NECAP2: variants seen among roughly 807,000 people sequenced by gnomAD.
The protein encoded by NECAP2 is adaptin ear-binding coat-associated protein 2.
In NECAP2, 38 loss-of-function variants were observed where a neutral mutation model predicts 37.8. That is an observed-to-expected ratio of 1.01 (90% confidence interval 0.78 to 1.32). The LOEUF (loss-of-function observed/expected upper bound fraction) is 1.32. Among genes scored for constraint, NECAP2 ranks in the 40% most tolerant of loss-of-function variants. NECAP2 has a pLI of 0.00. For missense variants in NECAP2, 316 were observed against 334.5 expected (o/e 0.94, Z 0.43); for synonymous variants, 121 against 127.7 (o/e 0.95, Z 0.35).
chr1:16,451,956 C>G lies in NECAP2; in HGVS notation c.608C>G (p.Pro203Arg), dbSNP rs764781981. The change falls in exon 6 of 8, where the codon CCT becomes CGT. Residue 203 changes from proline (P) to arginine (R), a missense_variant. Transcript: ENST00000337132. The stretch of plus-strand genomic sequence containing the variant: ...AAAACCTCCACCCTGATCCCTCCCC[C>G]TGGGGAGCAGTTGGCTGTGGGGGGA... ...GGKTSTLIPPPGEQLAVGGSL... is the reference protein window; with the variant it reads ...GGKTSTLIPPRGEQLAVGGSL... The G allele has an allele frequency of 1.2e-6, 2 of 1,612,536 alleles. No homozygotes were observed. The highest frequency in any genetic ancestry group is 1.7e-6 in the Non-Finnish European group (2 of 1,179,134).
In NECAP2 at chr1:16,447,884, C is replaced by T. The variant is rs1444433107; in HGVS notation, c.208C>T (p.Gln70Ter). Residue 70 changes from glutamine to a stop codon, truncating the protein, a stop_gained, in exon 3 of 8, where the codon CAG (glutamine) becomes TAG (stop). Transcript: ENST00000337132. LOFTEE classifies it high-confidence loss of function. ...TGTGCTTTCAGGGGAGCTCTTTGCT[C>T]AGGCCCCGGTGGATCAGTTTCCTGG... is the stretch of plus-strand genomic sequence containing the variant. Reference protein sequence around the residue: ...EDRTSGELFAQAPVDQFPGTA... With the variant: ...EDRTSGELFA 2 of 1,614,090 alleles carry T rather than the reference C, an allele frequency of 1.2e-6. No individual in the cohort carries two copies. Among genetic ancestry groups the T allele is most frequent in the Non-Finnish European group, 1.7e-6 (2 of 1,179,988 alleles).
chr1:16,458,110 A>G (rs922527614), intron 7 of NECAP2, among the ~76,000 whole-genome samples: 1 of 152,184 alleles, frequency 6.6e-6, no homozygotes, highest in African/African-American at 2.4e-5. Context: ...TTTTTAGCCT[A>G]AGATTCATTT....
chr1:16,454,361 CTTAT>C (rs934055056), intron 6 of NECAP2, among the ~76,000 whole-genome samples: 6 of 141,952 alleles, frequency 4.2e-5, no homozygotes, highest in African/African-American at 1.3e-4. Flanking sequence ...ACCTCGCCTA[CTTAT>C]TTATTTTTAA....
At chr1:16,446,162 C>G (rs918593317) in intron 2 of NECAP2, among the ~76,000 whole-genome samples, 1 of 152,142 alleles carries the variant, frequency 6.6e-6, no homozygotes, top group Non-Finnish European at 1.5e-5. Context: ...GAGCCGAGAT[C>G]GTGCCGTTGC....
chr1:16,440,858 C>T lies in NECAP2; in HGVS notation c.92+5C>T. 1 of 1,611,486 alleles carries T rather than the reference C, an allele frequency of 6.2e-7. No homozygotes were observed. Among genetic ancestry groups the T allele is most frequent in the Non-Finnish European group, 8.5e-7 (1 of 1,177,552 alleles). ...GGCTACCAACCGTGGCTACAGGTGA[C>T]TACCCACCGCCAGACCAGGCTAGCT... On this transcript the variant is annotated splice_donor_5th_base_variant and intron_variant, in intron 1 of 7. Coordinates refer to ENST00000337132, the MANE Select transcript of NECAP2 (RefSeq NM_018090.5).
At chr1:16,446,492 G>C (rs555469845) in intron 2 of NECAP2, among the ~76,000 whole-genome samples, 29 of 152,262 alleles carry the variant, frequency 1.9e-4, no homozygotes, top group African/African-American at 5.8e-4. Flanking sequence ...CCAGGAGTTC[G>C]AGGCTGCAGT....
intron 6 of NECAP2, 58 bp from the exon 7 acceptor site, chr1:16,455,760 C>T: frequency 7.2e-7 from 1 of 1,394,316 alleles, no homozygotes; most frequent in Non-Finnish European, 1.0e-6. Flanking sequence ...CCAGAAAGGT[C>T]TCTGACTTCT....
Position 16,458,926 on chromosome 1 carries a change from AGGCG to A in NECAP2, c.*37_*40del. ...GTTTTTCCTCATGTGACTTCTGGGA[AGGCG>A]CTCCCTCATCTGGGCCAAAGGAAGG... On this transcript the variant is annotated 3_prime_UTR_variant, in exon 8 of 8. Coordinates refer to ENST00000337132, the MANE Select transcript of NECAP2 (RefSeq NM_018090.5). 6.2e-7 allele frequency: 1 copy of A among 1,614,066 alleles called. No homozygotes were observed. Among genetic ancestry groups the A allele is most frequent in the Non-Finnish European group, 8.5e-7 (1 of 1,180,010 alleles).
At chr1:16,453,198 C>G (rs1359084334) in intron 6 of NECAP2, among the ~76,000 whole-genome samples, 11 of 150,606 alleles carry the variant, frequency 7.3e-5, no homozygotes, top group Non-Finnish European at 1.6e-4. Flanking sequence ...CAACCTCTGC[C>G]TCCTGGGTTC....
At chr1:16,444,028 C>T (rs1329394663) in intron 2 of NECAP2, among the ~76,000 whole-genome samples, 1 of 152,158 alleles carries the variant, frequency 6.6e-6, no homozygotes, top group African/African-American at 2.4e-5. Context: ...GTAGGAAGCC[C>T]TGGAAGTGGC....
At chr1:16,446,535 C>T (rs1411360109) in intron 2 of NECAP2, among the ~76,000 whole-genome samples, 2 of 151,586 alleles carry the variant, frequency 1.3e-5, no homozygotes, top group African/African-American at 4.8e-5. Context: ...GCACTTCAAT[C>T]TGGGCAACAG....
At chr1:16,443,596 C>T in intron 1 of NECAP2, 36 bp from the exon 2 acceptor site, 1 of 1,506,374 alleles carries the variant, frequency 6.6e-7, no homozygotes, top group Non-Finnish European at 9.2e-7. Flanking sequence ...ACAGCAGGAG[C>T]CTCTGGCAGA....
rs149943234 is a variant in NECAP2 at position 16,443,854 on chromosome 1, G to A, written c.193+122G>A. ...GAACCTGTCCTGAAAAATCAGAGACGTGTGTGTACCTTTAAGCTGTACCAT... is the reference window on the plus strand; with the variant it reads ...GAACCTGTCCTGAAAAATCAGAGACATGTGTGTACCTTTAAGCTGTACCAT... On this transcript the variant is annotated intron_variant, in intron 2 of 7. Coordinates refer to ENST00000337132, the MANE Select transcript of NECAP2 (RefSeq NM_018090.5). 2.0e-4 allele frequency: 147 copies of A among 724,442 alleles called. No individual in the cohort carries two copies. The highest frequency in any genetic ancestry group is 3.2e-4 in the Non-Finnish European group (130 of 403,892). The allele number at this position is 724,442 out of a possible 1,614,324, so 44.9% of individuals were successfully genotyped here.
chr1:16,453,470 T>A (rs2086875527), intron 6 of NECAP2, among the ~76,000 whole-genome samples: 1 of 152,100 alleles, frequency 6.6e-6, no homozygotes, highest in Non-Finnish European at 1.5e-5. Flanking sequence ...TAGGCCTTCC[T>A]AAGCAACCAA....
At chr1:16,454,060 T>A (rs1163460976) in intron 6 of NECAP2, among the ~76,000 whole-genome samples, 4 of 152,178 alleles carry the variant, frequency 2.6e-5, no homozygotes, top group African/African-American at 9.7e-5. Flanking sequence ...TTATTTATTT[T>A]TATTTTTTAT....
intron 7 of NECAP2, 142 bp downstream of exon 7, chr1:16,456,035 T>C (rs554238369): frequency 6.2e-6 from 4 of 649,842 alleles, no homozygotes; most frequent in Admixed American, 5.9e-5. Context: ...TTTTTTTTTT[T>C]TTTTTGAGAG....
At chr1:16,443,357 C>T (rs2086716226) in intron 1 of NECAP2, among the ~76,000 whole-genome samples, 2 of 152,218 alleles carry the variant, frequency 1.3e-5, no homozygotes, top group East Asian at 1.9e-4. Context: ...AGTGTCTACA[C>T]TTTGATTGAA....
chr1:16,449,206 G>A lies in NECAP2; in HGVS notation c.489+5G>A. The A allele has an allele frequency of 6.2e-7, 1 of 1,601,220 alleles. No individual in the cohort carries two copies. The highest frequency in any genetic ancestry group is 8.5e-7 in the Non-Finnish European group (1 of 1,171,500). ...ACCATCAAGCTCAACATCGCAGTGAGTTCTACCCTTGCTTGGCTGTGGTGA... is the reference window on the plus strand; with the variant it reads ...ACCATCAAGCTCAACATCGCAGTGAATTCTACCCTTGCTTGGCTGTGGTGA... On this transcript the variant is annotated splice_donor_5th_base_variant and intron_variant, in intron 5 of 7. Transcript: ENST00000337132.
At chr1:16,455,982 T>G (rs2086911927) in intron 7 of NECAP2, 89 bp downstream of exon 7, 1 of 934,232 alleles carries the variant, frequency 1.1e-6, no homozygotes, top group South Asian at 1.4e-5. Flanking sequence ...CCTTCTGGTG[T>G]TAGGATTAGG....
Sources: gnomAD v4.1 joint callset for allele counts (sites outside exome capture counted in the v4.1 genomes callset) on GRCh38, gnomAD v4.1.1 for gene constraint, MANE v1.5 for transcripts, NCBI Gene and HGNC (gene_info 2026-07-23, HGNC 2026-07-21) for gene names.